The following INTU variants were observed in gnomAD, a reference collection of about 807,000 sequenced individuals.
The protein encoded by INTU is inturned planar cell polarity protein.
In INTU, 68 loss-of-function variants were observed where a neutral mutation model predicts 100.5. The ratio of observed to expected loss-of-function variants is 0.68; its 90% CI spans 0.56 to 0.83. The LOEUF is 0.83. Among genes scored for constraint, INTU ranks in the 40% least tolerant of loss-of-function variants. The pLI is 0.00. For missense variants in INTU, 1,071 were observed against 1,114.7 expected (o/e 0.96, Z 0.56); for synonymous variants, 357 against 395.7 (o/e 0.90, Z 1.16).
At chr4:127,634,308 A>G (rs779629300) in intron 1 of INTU, among the ~76,000 whole-genome samples, 1 of 152,242 alleles carries the variant, frequency 6.6e-6, no homozygotes, top group Non-Finnish European at 1.5e-5. Flanking sequence ...ATAGAACCTT[A>G]TTTGGTCTTG....
At chr4:127,664,984 A>C (rs76290329) in intron 4 of INTU, among the ~76,000 whole-genome samples, 2,435 of 151,608 alleles carry the variant, frequency 0.016, 45 homozygotes, top group East Asian at 0.07. Flanking sequence ...TTTTTAAATG[A>C]TTACACTTAA....
chr4:127,674,649 T>G (rs1729089784), intron 6 of INTU, among the ~76,000 whole-genome samples: 1 of 152,228 alleles, frequency 6.6e-6, no homozygotes, highest in Non-Finnish European at 1.5e-5. Context: ...TAAAGTGACT[T>G]CTCTAATGGT....
chr4:127,716,373 T>G lies in INTU; in HGVS notation c.2766T>G (p.His922Gln), dbSNP rs538072571. 6.3e-7 allele frequency: 1 copy of G among 1,592,202 alleles called. No homozygotes were observed. The highest frequency in any genetic ancestry group is 1.1e-5 in the South Asian group (1 of 87,154). ...CTCAAGAACTTTATGTCTGTTTTCA[T>G]GACTCAGTCACAGAAATTGCCATTG... ...PKPQELYVCF[H>Q]DSVTEIAIEI... Residue 922 changes from histidine to glutamine, a missense_variant, in exon 16 of 16, where the codon CAT (histidine) becomes CAG (glutamine). His to Gln is a conservative substitution (Grantham distance 24, BLOSUM62 0). Transcript: ENST00000335251.
chr4:127,645,537 TTTTTTTA>T (rs942319000), intron 2 of INTU, among the ~76,000 whole-genome samples: 1 of 151,936 alleles, frequency 6.6e-6, no homozygotes, highest in Non-Finnish European at 1.5e-5. Flanking sequence ...GTTGTTGTTA[TTTTTTTA>T]TTTTTTATTT....
chr4:127,725,744 T>C lies in INTU; in HGVS notation c.*9308T>C, dbSNP rs1323265528. The stretch of plus-strand genomic sequence containing the variant: ...CTGTATCGTAGATGTGCACTGTAAT[T>C]TCCATGTTAAAGAGGCACTGCATTT... On this transcript the variant is annotated 3_prime_UTR_variant, in exon 16 of 16. Transcript: ENST00000335251. The C allele has an allele frequency of 6.6e-6, 1 of 152,176 alleles. No individual in the cohort carries two copies. Among genetic ancestry groups the C allele is most frequent in the Non-Finnish European group, 1.5e-5 (1 of 68,024 alleles). The allele number at this position is 152,176 out of a possible 1,614,324, so 9.4% of individuals were successfully genotyped here.
At chr4:127,637,969 C>T (rs1727146691) in intron 1 of INTU, among the ~76,000 whole-genome samples, 1 of 152,138 alleles carries the variant, frequency 6.6e-6, no homozygotes, top group Non-Finnish European at 1.5e-5. Flanking sequence ...TCTAATGTTG[C>T]TTAGCAAGAA....
At chr4:127,697,034 T>A (rs1275894362) in intron 8 of INTU, among the ~76,000 whole-genome samples, 1 of 152,166 alleles carries the variant, frequency 6.6e-6, no homozygotes, top group East Asian at 1.9e-4. Context: ...AGCACAGCAG[T>A]TTAATAGTCA....
At chr4:127,681,005 G>C (rs1333105085) in intron 6 of INTU, among the ~76,000 whole-genome samples, 3 of 151,928 alleles carry the variant, frequency 2.0e-5, no homozygotes, top group Admixed American at 6.6e-5. Context: ...ATTCACAATT[G>C]CTTCAAAGAG....
intron 1 of INTU, among the ~76,000 whole-genome samples, chr4:127,635,769 G>A (rs574278808): frequency 8.5e-5 from 13 of 152,134 alleles, no homozygotes; most frequent in African/African-American, 2.6e-4. Flanking sequence ...TATCCATCTC[G>A]CCTAAGAGTC....
chr4:127,659,538 A>G (rs1728380960), intron 3 of INTU, among the ~76,000 whole-genome samples: 1 of 152,244 alleles, frequency 6.6e-6, no homozygotes, highest in Non-Finnish European at 1.5e-5. Context: ...AATAACAAGA[A>G]CAAAGGTGCA....
At chr4:127,676,962 C>T (rs1197066930) in intron 6 of INTU, among the ~76,000 whole-genome samples, 2 of 152,148 alleles carry the variant, frequency 1.3e-5, no homozygotes, top group African/African-American at 4.8e-5. Flanking sequence ...GCACATGGCT[C>T]GGAGGGTCCT....
At chr4:127,674,071 T>A in intron 5 of INTU, 53 bp from the exon 6 acceptor site, 2 of 1,174,624 alleles carry the variant, frequency 1.7e-6, no homozygotes, top group Non-Finnish European at 2.5e-6. Flanking sequence ...ATACTTATAA[T>A]TTTATGACAT....
intron 8 of INTU, among the ~76,000 whole-genome samples, chr4:127,696,132 A>T (rs1044074221): frequency 6.6e-6 from 1 of 152,048 alleles, no homozygotes; most frequent in African/African-American, 2.4e-5. Flanking sequence ...TTCTTGAAAG[A>T]TACTGGCCTG....
intron 4 of INTU, among the ~76,000 whole-genome samples, chr4:127,668,771 AAATTAAT>A (rs1728801086): frequency 6.6e-6 from 1 of 151,854 alleles, no homozygotes; most frequent in Non-Finnish European, 1.5e-5. Context: ...TTTGTAATGT[AAATTAAT>A]CAGTATCCTA....
intron 9 of INTU, among the ~76,000 whole-genome samples, chr4:127,701,378 G>T (rs899713290): frequency 6.6e-6 from 1 of 152,120 alleles, no homozygotes; most frequent in Admixed American, 6.5e-5. Context: ...TCCTTTCTTA[G>T]ATCCTAATTC....
chr4:127,693,547 A>G (rs1343886412), intron 8 of INTU, among the ~76,000 whole-genome samples: 1 of 152,068 alleles, frequency 6.6e-6, no homozygotes, highest in African/African-American at 2.4e-5. Flanking sequence ...TTCTTTACTT[A>G]TTTGGATGCC....
At chr4:127,646,536 A>C (rs1232329991) in intron 2 of INTU, among the ~76,000 whole-genome samples, 1 of 152,174 alleles carries the variant, frequency 6.6e-6, no homozygotes, top group Non-Finnish European at 1.5e-5. Flanking sequence ...TAAATCCATT[A>C]ATTCATTAAG....
intron 7 of INTU, among the ~76,000 whole-genome samples, chr4:127,685,086 C>T (rs1729755118): frequency 6.6e-6 from 1 of 151,948 alleles, no homozygotes; most frequent in Admixed American, 6.6e-5. Context: ...ACGGTATTGA[C>T]TGGTTTTGTT....
chr4:127,694,171 T>C (rs1474519469), intron 8 of INTU, among the ~76,000 whole-genome samples: 1 of 152,138 alleles, frequency 6.6e-6, no homozygotes, highest in Non-Finnish European at 1.5e-5. Flanking sequence ...GAATGTCTGA[T>C]AGAATTTATC....
Sources: allele counts gnomAD v4.1 joint callset (sites outside exome capture counted in the v4.1 genomes callset), GRCh38; gene constraint gnomAD v4.1.1; transcripts MANE v1.5; gene names NCBI Gene and HGNC (gene_info 2026-07-23, HGNC 2026-07-21).